Variants in SIRT2 observed in about 807,000 individuals in gnomAD.
SIRT2 encodes the protein sirtuin 2, also known as NAD-dependent protein deacetylase sirtuin-2.
Under a neutral mutation model 57.4 loss-of-function variants are expected in SIRT2, and 40 were observed. The observed-to-expected ratio is 0.70, with a 90% confidence interval of 0.54 to 0.91. The LOEUF (loss-of-function observed/expected upper bound fraction) is 0.91. Ranked by LOEUF, SIRT2 falls within the 40% of genes least tolerant of loss-of-function variation. The pLI, the probability that SIRT2 is intolerant of heterozygous loss-of-function variation, is 0.00. For synonymous variants in SIRT2, 161 were observed against 195.7 expected (o/e 0.82, Z 1.48); for missense variants, 439 against 510.4 (o/e 0.86, Z 1.35).
chr19:38,883,485 A>G, intron 9 of SIRT2, 142 bp downstream of exon 9: 10 of 1,122,652 alleles, frequency 8.9e-6, no homozygotes, highest in Non-Finnish European at 1.1e-5. Context: ...TGGGCGACAG[A>G]GTGAGACTCT....
chr19:38,883,678 G>A lies in SIRT2; in HGVS notation c.580C>T (p.His194Tyr), dbSNP rs377197576. Residue 194 changes from histidine to tyrosine, a missense_variant, in exon 9 of 16, where the codon CAC becomes TAC. By Grantham distance (83) the His-to-Tyr change is moderately conservative (BLOSUM62 2). Transcript: ENST00000249396. Reference sequence around the variant, plus strand: ...TGCCGGCAGCTGGCGCTGACGCAGTGTGATGTGTAGAAGGTGCCGTGCGCC... The same window carrying A: ...TGCCGGCAGCTGGCGCTGACGCAGTATGATGTGTAGAAGGTGCCGTGCGCC... The part of the protein sequence containing the change: ...VEAHGTFYTS[H>Y]CVSASCRHEY... 3 of 1,614,188 alleles carry A rather than the reference G, an allele frequency of 1.9e-6. No homozygotes were observed. The highest frequency in any genetic ancestry group is 2.2e-5 in the East Asian group (1 of 44,874).
chr19:38,898,627 T>A (rs1212027047), intron 1 of SIRT2: 1 of 395,896 alleles, frequency 2.5e-6, no homozygotes, highest in African/African-American at 2.1e-5. Context: ...GAGAGGTGAT[T>A]AGTGAGGGGC....
rs201761867 is a variant in SIRT2 at position 38,878,834 on chromosome 19, G to C, written c.*321C>G. On this transcript the variant is annotated 3_prime_UTR_variant, in exon 16 of 16. Transcript: ENST00000249396. ...TGGGGGCCCGAAGCTCCCTGTCCTGGAAGAGTTAAAAGTTCTGGGGTAGCC... is the reference window on the plus strand; with the variant it reads ...TGGGGGCCCGAAGCTCCCTGTCCTGCAAGAGTTAAAAGTTCTGGGGTAGCC... The C allele has an allele frequency of 3.7e-6, 1 of 272,782 alleles. No homozygotes were observed. The highest frequency in any genetic ancestry group is 2.2e-5 in the African/African-American group (1 of 45,006). The allele number at this position is 272,782 out of a possible 1,614,324, so 16.9% of individuals were successfully genotyped here. A position where few individuals can be genotyped will look rare whatever the true frequency, so the allele number is the denominator to read the frequency against.
chr19:38,891,119 C>T (rs1271875533), intron 4 of SIRT2, among the ~76,000 whole-genome samples: 1 of 152,218 alleles, frequency 6.6e-6, no homozygotes, highest in Non-Finnish European at 1.5e-5. Context: ...CCTTTTTGTG[C>T]CTCCTTTTCC....
intron 4 of SIRT2, among the ~76,000 whole-genome samples, chr19:38,891,407 G>T (rs1973530719): frequency 6.6e-6 from 1 of 152,030 alleles, no homozygotes; most frequent in South Asian, 2.1e-4. Context: ...AAATTAGCCG[G>T]GCGTGGTGGC....
Position 38,881,085 on chromosome 19 carries a change from T to G in SIRT2, c.747+15A>C. On this transcript the variant is annotated intron_variant, in intron 11 of 15. Coordinates refer to ENST00000249396, the MANE Select transcript of SIRT2 (RefSeq NM_012237.4). ...GCGGCGGTTGGGGATGCGGGGAGGC[T>G]GGGGGGCCACTTACTGACTGCATAC... 1.2e-6 allele frequency: 2 copies of G among 1,612,152 alleles called. No individual in the cohort carries two copies. Among genetic ancestry groups the G allele is most frequent in the African/African-American group, 2.7e-5 (2 of 74,968 alleles).
intron 2 of SIRT2, among the ~76,000 whole-genome samples, chr19:38,895,560 T>C (rs1973688930): frequency 6.6e-6 from 1 of 152,240 alleles, no homozygotes; most frequent in Non-Finnish European, 1.5e-5. Context: ...CTTCCCCGGA[T>C]ACTCACTGCT....
At chr19:38,891,910 A>G (rs1475271687) in intron 4 of SIRT2, 1 of 469,832 alleles carries the variant, frequency 2.1e-6, no homozygotes, top group Non-Finnish European at 4.4e-6. Context: ...CGCCTGCCGC[A>G]GGAGAGGGAG....
chr19:38,893,176 CAAGAA>C (rs1390250243), intron 4 of SIRT2, among the ~76,000 whole-genome samples: 3 of 152,104 alleles, frequency 2.0e-5, no homozygotes, highest in Non-Finnish European at 4.4e-5. Flanking sequence ...TACCCCAAAA[CAAGAA>C]AAGCAGCATC....
At chr19:38,889,823 T>A (rs200424464) in intron 6 of SIRT2, 32 bp downstream of exon 6, 168 of 1,612,458 alleles carry the variant, frequency 1.0e-4, no homozygotes, top group Non-Finnish European at 1.4e-4. Flanking sequence ...TCCCCACCCC[T>A]CACAGACGCC....
chr19:38,881,341 T>G (rs1221593671), intron 10 of SIRT2, 91 bp downstream of exon 10: 16 of 1,253,168 alleles, frequency 1.3e-5, no homozygotes, highest in Non-Finnish European at 1.2e-6. Flanking sequence ...GGTGGCCAGA[T>G]GTGTGCGGGT....
chr19:38,883,037 C>A (rs971053939), intron 9 of SIRT2, among the ~76,000 whole-genome samples: 6 of 149,930 alleles, frequency 4.0e-5, no homozygotes, highest in Non-Finnish European at 7.4e-5. Flanking sequence ...TAAAGAATGT[C>A]AGAAATGGCT....
intron 8 of SIRT2, among the ~76,000 whole-genome samples, chr19:38,885,152 C>A (rs1417124807): frequency 2.0e-5 from 3 of 152,014 alleles, no homozygotes; most frequent in Non-Finnish European, 2.9e-5. Flanking sequence ...GTGGTCTGAT[C>A]ACAGCTCACT....
chr19:38,885,629 T>G (rs547072132), intron 8 of SIRT2, among the ~76,000 whole-genome samples: 5 of 149,628 alleles, frequency 3.3e-5, no homozygotes, highest in East Asian at 2.0e-4. Flanking sequence ...TCTTGCTCTG[T>G]TGCCAGGCTG....
chr19:38,891,481 A>G (rs868707508), intron 4 of SIRT2, among the ~76,000 whole-genome samples: 11 of 152,164 alleles, frequency 7.2e-5, no homozygotes, highest in African/African-American at 1.4e-4. Context: ...CCCGGGAGGC[A>G]GAGGTTGCAG....
intron 9 of SIRT2, among the ~76,000 whole-genome samples, chr19:38,882,901 A>C (rs1029856212): frequency 1.3e-5 from 2 of 152,034 alleles, no homozygotes; most frequent in Admixed American, 1.3e-4. Context: ...TGGGCTATTC[A>C]GGAATCCTCA....
intron 13 of SIRT2, chr19:38,879,938 G>A (rs758981259): frequency 2.6e-5 from 14 of 528,868 alleles, no homozygotes; most frequent in African/African-American, 2.3e-4. Context: ...TGATTCTCCC[G>A]CCTCAACCTC....
chr19:38,893,350 G>T, intron 4 of SIRT2, 64 bp downstream of exon 4: 1 of 967,258 alleles, frequency 1.0e-6, no homozygotes, highest in Non-Finnish European at 1.7e-6. Flanking sequence ...CAAGTGGCTG[G>T]GGATGGGAGG....
chr19:38,890,906 A>T (rs1973514066), intron 4 of SIRT2, among the ~76,000 whole-genome samples: 1 of 152,212 alleles, frequency 6.6e-6, no homozygotes, highest in Non-Finnish European at 1.5e-5. Context: ...TGCCTCTGGG[A>T]TGCCCTGTCC....
Sources: allele counts gnomAD v4.1 joint callset (sites outside exome capture counted in the v4.1 genomes callset), GRCh38; gene constraint gnomAD v4.1.1; transcripts MANE v1.5; gene names NCBI Gene and HGNC (gene_info 2026-07-23, HGNC 2026-07-21).